Variants in PHGDH observed in about 807,000 individuals in gnomAD.
PHGDH encodes the protein phosphoglycerate dehydrogenase.
In PHGDH, 50 loss-of-function variants were observed where a neutral mutation model predicts 52.6. The ratio of observed to expected loss-of-function variants is 0.95; its 90% confidence interval spans 0.76 to 1.20. The LOEUF (loss-of-function observed/expected upper bound fraction) is 1.20. Among genes scored for constraint, PHGDH ranks in the 50% most tolerant of loss-of-function variants. PHGDH has a pLI of 0.00. For missense variants in PHGDH, 630 were observed against 684.6 expected (o/e 0.92, Z 0.89); for synonymous variants, 271 against 280.5 (o/e 0.97, Z 0.34).
chr1:119,721,659 G>A, intron 2 of PHGDH: 1 of 272,168 alleles, frequency 3.7e-6, no homozygotes, highest in Non-Finnish European at 7.1e-6. Flanking sequence ...CGGAAGGTCA[G>A]TGAGTTCATC....
chr1:119,721,649 C>A (rs1230186972), intron 2 of PHGDH: 3 of 280,666 alleles, frequency 1.1e-5, no homozygotes, highest in African/African-American at 4.3e-5. Context: ...GTTCAGGAAT[C>A]GGAAGGTCAG....
chr1:119,741,746 G>T, intron 9 of PHGDH, 21 bp from the exon 10 acceptor site: 1 of 1,612,326 alleles, frequency 6.2e-7, no homozygotes, highest in Middle Eastern at 1.7e-4. Context: ...TGACCTCATG[G>T]TAGCTTCTCT....
intron 5 of PHGDH, among the ~76,000 whole-genome samples, chr1:119,731,275 G>A (rs372813701): frequency 4.5e-4 from 69 of 152,286 alleles, no homozygotes; most frequent in East Asian, 1.7e-3. Flanking sequence ...AGGTCTTAAC[G>A]CTCTATACTG....
Position 119,744,169 on chromosome 1 carries a change from G to C in PHGDH, c.*129G>C. 3 of 827,234 alleles carry C rather than the reference G, an allele frequency of 3.6e-6. No homozygotes were observed. In the Admixed American group the frequency reaches 5.4e-5, roughly 15 times the overall value. 51.2% of individuals were successfully genotyped at this position (827,234 alleles called of 1,614,324 possible). ...TCTGACACTGCTTACACTGCACTCT[G>C]ACCCTGTAGTACAGCAATAACCGTC... On this transcript the variant is annotated 3_prime_UTR_variant, in exon 12 of 12. Transcript: ENST00000641023.
At chr1:119,723,844 T>A (rs1651280063) in intron 3 of PHGDH, among the ~76,000 whole-genome samples, 1 of 152,012 alleles carries the variant, frequency 6.6e-6, no homozygotes, top group Non-Finnish European at 1.5e-5. Flanking sequence ...TATTAATTTA[T>A]CCAAGAAGCT....
intron 5 of PHGDH, 137 bp downstream of exon 5, chr1:119,727,239 T>A: frequency 4.3e-6 from 3 of 703,316 alleles, no homozygotes. Flanking sequence ...AAATAAGTGT[T>A]AAAGTCAAGG....
intron 6 of PHGDH, 46 bp downstream of exon 6, chr1:119,734,812 C>T: frequency 6.2e-7 from 1 of 1,608,478 alleles, no homozygotes; most frequent in Non-Finnish European, 8.5e-7. Flanking sequence ...AGCCACAGAC[C>T]AGTTAACAAA....
rs1652335692 is a variant in PHGDH, at chr1:119,744,050, T to A, written c.*10T>A. 1.2e-6 allele frequency: 2 copies of A among 1,613,702 alleles called. No individual in the cohort carries two copies. Among genetic ancestry groups the A allele is most frequent in the South Asian group, 1.1e-5 (1 of 91,078 alleles). Reference sequence around the variant, plus strand: ...CCAGTTCCACTTCTAACCTTGGAGCTCACTGGTCCCTGCCTCTGGGGCTTT... The same window carrying A: ...CCAGTTCCACTTCTAACCTTGGAGCACACTGGTCCCTGCCTCTGGGGCTTT... On this transcript the variant is annotated 3_prime_UTR_variant, in exon 12 of 12. Transcript: ENST00000641023.
intron 3 of PHGDH, among the ~76,000 whole-genome samples, chr1:119,725,760 C>T (rs149792487): frequency 1.6e-3 from 249 of 152,226 alleles, no homozygotes; most frequent in Non-Finnish European, 2.6e-3. Flanking sequence ...TTTGCACGCT[C>T]GCTCACTCTG....
chr1:119,738,892 C>A (rs587739963), intron 8 of PHGDH, among the ~76,000 whole-genome samples: 1 of 152,270 alleles, frequency 6.6e-6, no homozygotes, highest in East Asian at 1.9e-4. Context: ...TCAAATGGAC[C>A]ACACAGTGTC....
At chr1:119,726,616 C>T (rs1651426410) in intron 3 of PHGDH, 11 of 598,344 alleles carry the variant, frequency 1.8e-5, no homozygotes, top group Middle Eastern at 4.5e-4. Flanking sequence ...ATACCTCCTC[C>T]CAGATGCCTG....
chr1:119,741,929 T>C, intron 10 of PHGDH, 32 bp downstream of exon 10: 1 of 1,587,072 alleles, frequency 6.3e-7, no homozygotes, highest in African/African-American at 1.3e-5. Context: ...TGCCTCCCCA[T>C]CCCTGTCAGC....
intron 9 of PHGDH, among the ~76,000 whole-genome samples, chr1:119,740,926 C>T (rs1652174991): frequency 1.3e-5 from 2 of 152,168 alleles, no homozygotes; most frequent in African/African-American, 4.8e-5. Context: ...GGCTTGGATT[C>T]TTCACTTGTA....
In PHGDH at chr1:119,724,401, A is replaced by G. The variant is rs1651304576; in HGVS notation, c.356+960A>G. 1.9e-5 allele frequency: 4 copies of G among 208,676 alleles called. No individual in the cohort carries two copies. The South Asian group carries it at 3.3e-4, about 17-fold the overall frequency. The allele number at this position is 208,676 out of a possible 1,614,324, so 12.9% of individuals were successfully genotyped here. On this transcript the variant is annotated intron_variant, in intron 3 of 11. Transcript: ENST00000641023. ...TCCTGCTGGAGGAGGATCTGGGGGA[A>G]TTTACCTCTGCTCTAACTCCTCCCT...
chr1:119,742,041 C>T, intron 10 of PHGDH, 144 bp downstream of exon 10: 1 of 720,900 alleles, frequency 1.4e-6, no homozygotes. Context: ...GCTGCAGTTT[C>T]TTCAACTGCA....
At chr1:119,723,244 C>G (rs1651256487) in intron 2 of PHGDH, 132 bp from the exon 3 acceptor site, 1 of 781,714 alleles carries the variant, frequency 1.3e-6, no homozygotes. Flanking sequence ...TCAGAGAACT[C>G]TGGACAGTGG....
chr1:119,733,032 A>G (rs1424728905), intron 5 of PHGDH, among the ~76,000 whole-genome samples: 3 of 152,228 alleles, frequency 2.0e-5, no homozygotes, highest in African/African-American at 7.2e-5. Context: ...CAGGGATCCC[A>G]TCTCCTCGCC....
chr1:119,741,043 T>G (rs1652182533), intron 9 of PHGDH, among the ~76,000 whole-genome samples: 1 of 152,206 alleles, frequency 6.6e-6, no homozygotes, highest in South Asian at 2.1e-4. Flanking sequence ...AGAGAGAGTT[T>G]GCTCAGCCGT....
rs781294875 is a variant in PHGDH at position 119,721,195 on chromosome 1, C to T, written c.164C>T (p.Ser55Phe). The change falls in exon 2 of 12, where the codon TCT becomes TTT. Residue 55 changes from serine to phenylalanine, a missense_variant. Coordinates refer to ENST00000641023, the MANE Select transcript of PHGDH (RefSeq NM_006623.4). Reference protein sequence around the residue: ...LQDCEGLIVRSATKVTADVIN... With the variant: ...LQDCEGLIVRFATKVTADVIN... ...GACTGTGAAGGCCTTATTGTTCGCT[C>T]TGCCACCAAGGTGACCGCTGATGTC... The T allele has an allele frequency of 6.2e-7, 1 of 1,614,082 alleles. No homozygotes were observed. Among genetic ancestry groups the T allele is most frequent in the African/African-American group, 1.3e-5 (1 of 74,924 alleles).
Sources: gnomAD v4.1 joint callset for allele counts (sites outside exome capture counted in the v4.1 genomes callset) on GRCh38, gnomAD v4.1.1 for gene constraint, MANE v1.5 for transcripts, NCBI Gene and HGNC (gene_info 2026-07-23, HGNC 2026-07-21) for gene names.